The following PALS1 variants were observed in gnomAD, a reference collection of about 807,000 sequenced individuals.
PALS1 encodes protein associated with LIN7 1, MAGUK p55 family member.
In PALS1, 31 loss-of-function variants were observed where a neutral mutation model predicts 78.9. That is an observed-to-expected ratio of 0.39 (90% CI 0.30 to 0.53). PALS1 has a LOEUF of 0.53. Among genes scored for constraint, PALS1 ranks in the 20% least tolerant of loss-of-function variants. The probability of loss-of-function intolerance (pLI) is 0.67; values close to 1 mark genes in which losing one functional copy is unlikely to be tolerated. For synonymous variants in PALS1, 276 were observed against 270.9 expected (o/e 1.02, Z -0.18); for missense variants, 704 against 826.5 (o/e 0.85, Z 1.82).
intron 2 of PALS1, among the ~76,000 whole-genome samples, chr14:67,272,419 CT>C (rs2084423115): frequency 6.6e-6 from 1 of 152,130 alleles, no homozygotes; most frequent in African/African-American, 2.4e-5. Context: ...ATATTTGGAT[CT>C]ACTTCTGGAG....
At chr14:67,323,105 A>G (rs890429150) in intron 13 of PALS1, among the ~76,000 whole-genome samples, 19 of 152,230 alleles carry the variant, frequency 1.2e-4, no homozygotes, top group South Asian at 1.2e-3. Context: ...AGGTGTTTTA[A>G]TATCACATAG....
At chr14:67,270,660 G>T (rs1191022814) in intron 2 of PALS1, 6 of 150,420 alleles carry the variant, frequency 4.0e-5, no homozygotes, top group African/African-American at 1.2e-4. Context: ...CTTTTATGAT[G>T]TATATAGACT....
At chr14:67,266,671 C>T (rs1259189950) in intron 1 of PALS1, among the ~76,000 whole-genome samples, 3 of 152,056 alleles carry the variant, frequency 2.0e-5, no homozygotes, top group African/African-American at 7.2e-5. Flanking sequence ...TTGGACATAG[C>T]TAAGTTTCTT....
intron 2 of PALS1, among the ~76,000 whole-genome samples, chr14:67,278,038 C>A (rs1361811388): frequency 7.2e-6 from 1 of 138,796 alleles, no homozygotes; most frequent in Non-Finnish European, 1.6e-5. Context: ...AACCCCAATT[C>A]TTTTTTTTTT....
At chr14:67,292,383 T>C in intron 3 of PALS1, 128 bp from the exon 4 acceptor site, 1 of 615,864 alleles carries the variant, frequency 1.6e-6, no homozygotes. Context: ...TTGACAATAA[T>C]ATATGCAGAT....
intron 1 of PALS1, among the ~76,000 whole-genome samples, chr14:67,247,760 G>GTAGTC (rs935459134): frequency 2.0e-5 from 3 of 151,972 alleles, no homozygotes; most frequent in African/African-American, 7.3e-5. Flanking sequence ...TGTATTTTTA[G>GTAGTC]TAGAGACAGG....
At chr14:67,287,298 T>C (rs979977386) in intron 3 of PALS1, among the ~76,000 whole-genome samples, 3 of 144,760 alleles carry the variant, frequency 2.1e-5, no homozygotes, top group Non-Finnish European at 2.9e-5. Flanking sequence ...GTCTTTTACA[T>C]TTCCTTAGTT....
At position 67,255,255 on chromosome 14, in the gene PALS1, G is replaced by T. The variant is rs551934638; in HGVS notation, c.-237+13722G>T. 3.9e-5 allele frequency among the ~76,000 whole-genome samples: 6 copies of T among 152,314 alleles called. No homozygotes were observed. In the South Asian group the frequency reaches 1.2e-3, roughly 32 times the overall value. ...TGATTAAAGGGAATGAAGAAAATCT[G>T]CATGGAGTACATTGAGAGCAAAGCA... On this transcript the variant is annotated intron_variant, in intron 1 of 14. Coordinates refer to ENST00000261681, the MANE Select transcript of PALS1 (RefSeq NM_022474.4).
intron 14 of PALS1, among the ~76,000 whole-genome samples, chr14:67,326,950 A>G (rs10134528): frequency 0.32 from 47,962 of 151,934 alleles, 11,653 homozygotes; most frequent in African/African-American, 0.65. Context: ...CGAGGCGGGC[A>G]GATCACTTGA....
intron 1 of PALS1, among the ~76,000 whole-genome samples, chr14:67,263,305 A>G (rs112739828): frequency 0.012 from 1,765 of 152,306 alleles, 36 homozygotes; most frequent in African/African-American, 0.039. Context: ...AAACAGGGAT[A>G]TTCAGATTTG....
At chr14:67,250,768 A>G (rs2084052465) in intron 1 of PALS1, among the ~76,000 whole-genome samples, 1 of 152,248 alleles carries the variant, frequency 6.6e-6, no homozygotes, top group Non-Finnish European at 1.5e-5. Flanking sequence ...AATAAATTTC[A>G]TAGTTTTTGT....
Position 67,323,684 on chromosome 14 carries a change from C to G in PALS1, c.1741-18C>G. 3 of 1,184,178 alleles carry G rather than the reference C, an allele frequency of 2.5e-6. No individual in the cohort carries two copies. In the South Asian group the frequency reaches 4.6e-5, roughly 18 times the overall value. The allele number at this position is 1,184,178 out of a possible 1,614,324, so 73.4% of individuals were successfully genotyped here. A position where few individuals can be genotyped will look rare whatever the true frequency, so the allele number is the denominator to read the frequency against. On this transcript the variant is annotated intron_variant, in intron 13 of 14. Transcript: ENST00000261681. ...AAATGATGCAAATTATTTTAAAAATCAAAATGTCTCTTTACAGTCATTGAA... is the reference window on the plus strand; with the variant it reads ...AAATGATGCAAATTATTTTAAAAATGAAAATGTCTCTTTACAGTCATTGAA...
intron 14 of PALS1, among the ~76,000 whole-genome samples, chr14:67,331,024 T>TTAAG (rs1488224441): frequency 6.6e-6 from 1 of 152,040 alleles, no homozygotes; most frequent in Non-Finnish European, 1.5e-5. Context: ...TTTATTCTAC[T>TTAAG]TAAGTTTTTT....
chr14:67,329,453 A>C (rs1167580936), intron 14 of PALS1, among the ~76,000 whole-genome samples: 1 of 152,096 alleles, frequency 6.6e-6, no homozygotes, highest in African/African-American at 2.4e-5. Context: ...TCTTTTCCTA[A>C]TTGAATACCC....
chr14:67,333,537 A>ATGTC lies in PALS1; in HGVS notation c.*583_*586dup, dbSNP rs1219516738. ...CTTTGTTAGGCTTGAATTCATTTAT[A>ATGTC]TGTCTTTTGATTCTTAAAAAAACAA... On this transcript the variant is annotated 3_prime_UTR_variant, in exon 15 of 15. Transcript: ENST00000261681. 81 of 152,736 alleles carry ATGTC rather than the reference A, an allele frequency of 5.3e-4. No individual in the cohort carries two copies. The highest frequency in any genetic ancestry group is 1.8e-3 in the African/African-American group (76 of 41,566). 9.5% of individuals were successfully genotyped at this position (152,736 alleles called of 1,614,324 possible).
At chr14:67,242,330 G>A (rs1335089969) in intron 1 of PALS1, among the ~76,000 whole-genome samples, 1 of 152,178 alleles carries the variant, frequency 6.6e-6, no homozygotes, top group East Asian at 1.9e-4. Context: ...TGGAGTGTGT[G>A]TTTTGTCTCC....
At chr14:67,314,508 A>G (rs1460655468) in intron 9 of PALS1, among the ~76,000 whole-genome samples, 1 of 152,222 alleles carries the variant, frequency 6.6e-6, no homozygotes, top group Non-Finnish European at 1.5e-5. Context: ...TATGATGCTA[A>G]AACCCGTGAT....
At chr14:67,329,885 T>C (rs2085420418) in intron 14 of PALS1, among the ~76,000 whole-genome samples, 3 of 148,952 alleles carry the variant, frequency 2.0e-5, no homozygotes, top group Admixed American at 6.7e-5. Context: ...TAAATAGATA[T>C]AGAAACTAAG....
intron 1 of PALS1, among the ~76,000 whole-genome samples, chr14:67,266,905 T>A (rs2084336066): frequency 6.6e-6 from 1 of 151,698 alleles, no homozygotes. Flanking sequence ...AGCCTAGGAG[T>A]TCGACACCAG....
Sources: gnomAD v4.1 joint callset for allele counts (sites outside exome capture counted in the v4.1 genomes callset) on GRCh38, gnomAD v4.1.1 for gene constraint, MANE v1.5 for transcripts, NCBI Gene and HGNC (gene_info 2026-07-23, HGNC 2026-07-21) for gene names.